ERC2: variants seen among roughly 807,000 people sequenced by gnomAD.
The protein encoded by ERC2 is ERC protein 2.
A neutral mutation model predicts 114.8 loss-of-function variants in ERC2; 42 were observed. That is an observed-to-expected ratio of 0.37 (90% CI 0.29 to 0.47). ERC2 has a LOEUF of 0.47. Ranked by LOEUF, ERC2 falls within the 20% of genes least tolerant of loss-of-function variation. The pLI is 0.99. For missense variants in ERC2, 939 were observed against 1,150.7 expected (o/e 0.82, Z 2.66); for synonymous variants, 454 against 425.5 (o/e 1.07, Z -0.82).
intron 14 of ERC2, among the ~76,000 whole-genome samples, chr3:55,863,184 T>C (rs1018766473): frequency 2.6e-5 from 4 of 152,186 alleles, no homozygotes; most frequent in Non-Finnish European, 4.4e-5. Flanking sequence ...AATCCTGCAC[T>C]GTATGGCATG....
At chr3:55,882,807 G>A (rs943159383) in intron 14 of ERC2, among the ~76,000 whole-genome samples, 22 of 152,114 alleles carry the variant, frequency 1.4e-4, no homozygotes, top group African/African-American at 5.1e-4. Context: ...ATAGAATCAA[G>A]GCTCTCCTTT....
chr3:56,365,536 T>C (rs1264540902), intron 2 of ERC2, among the ~76,000 whole-genome samples: 1 of 152,254 alleles, frequency 6.6e-6, no homozygotes, highest in Non-Finnish European at 1.5e-5. Context: ...ATCTATCCTC[T>C]ACCAGAGCAG....
At chr3:56,202,352 C>A (rs2048455181) in intron 3 of ERC2, among the ~76,000 whole-genome samples, 1 of 152,022 alleles carries the variant, frequency 6.6e-6, no homozygotes, top group African/African-American at 2.4e-5. Flanking sequence ...GTTAAAATTC[C>A]AAAATTTAAT....
At chr3:55,960,817 T>C (rs531528506) in intron 12 of ERC2, among the ~76,000 whole-genome samples, 11 of 152,380 alleles carry the variant, frequency 7.2e-5, no homozygotes, top group Middle Eastern at 3.4e-3. Context: ...AAACATTTCA[T>C]TGGATCTCCA....
In ERC2 at chr3:56,296,120, C is replaced by T. The variant is rs2055416796; in HGVS notation, c.973G>A (p.Asp325Asn). The change falls in exon 3 of 18, where the codon GAC becomes AAC. Residue 325 changes from aspartate (D) to asparagine (N), a missense_variant. Around this residue, in one of 5 missense-constraint regions of ERC2, gnomAD observed 148 missense variants for 159.1 expected, o/e 0.93. Transcript: ENST00000288221. ...GCCATCCGCCGCGTTCGCTCATTGT[C>T]ATCCTCCAGGCTTTTGGATGGCAAG... ...KGLPSKSLED[D>N]NERTRRMAEA... 1.2e-6 allele frequency: 2 copies of T among 1,614,028 alleles called. No individual in the cohort carries two copies. Among genetic ancestry groups the T allele is most frequent in the Non-Finnish European group, 1.7e-6 (2 of 1,179,876 alleles).
chr3:55,518,998 C>T (rs2052720066), intron 17 of ERC2, among the ~76,000 whole-genome samples: 1 of 152,136 alleles, frequency 6.6e-6, no homozygotes. Context: ...TTGCGGGTGC[C>T]ACTACTGACA....
At chr3:56,444,370 A>G (rs2062463827) in intron 1 of ERC2, among the ~76,000 whole-genome samples, 1 of 152,166 alleles carries the variant, frequency 6.6e-6, no homozygotes, top group African/African-American at 2.4e-5. Context: ...TGTTGCTGAC[A>G]TCAAAAAAAA....
chr3:55,807,197 C>T (rs1397334027), intron 14 of ERC2, among the ~76,000 whole-genome samples: 1 of 152,190 alleles, frequency 6.6e-6, no homozygotes, highest in African/African-American at 2.4e-5. Context: ...GTATACATTG[C>T]ACCAGGCACT....
chr3:55,517,183 G>A (rs2052573845), intron 17 of ERC2, among the ~76,000 whole-genome samples: 2 of 152,160 alleles, frequency 1.3e-5, no homozygotes, highest in Admixed American at 1.3e-4. Context: ...GCTCACGCCT[G>A]TAACCTCAGC....
intron 17 of ERC2, among the ~76,000 whole-genome samples, chr3:55,633,643 TAGAGTGCCTGCTA>T (rs2059842743): frequency 6.6e-6 from 1 of 152,172 alleles, no homozygotes; most frequent in African/African-American, 2.4e-5. Context: ...CAAATACTTA[TAGAGTGCCTGCTA>T]TTTGCAAACA....
At position 55,683,819 on chromosome 3, in the gene ERC2, G is replaced by A; in HGVS notation, c.*14C>T. ...CCCTCAAAACAAAACTGGAACTTTGGTTTACAGGCCCGGCTATGCCCATAT... is the reference window on the plus strand; with the variant it reads ...CCCTCAAAACAAAACTGGAACTTTGATTTACAGGCCCGGCTATGCCCATAT... On this transcript the variant is annotated 3_prime_UTR_variant, in exon 17 of 18. Transcript: ENST00000288221. The A allele has an allele frequency of 6.2e-7, 1 of 1,612,472 alleles. No individual in the cohort carries two copies. Among genetic ancestry groups the A allele is most frequent in the Non-Finnish European group, 8.5e-7 (1 of 1,179,298 alleles).
intron 13 of ERC2, among the ~76,000 whole-genome samples, chr3:55,932,861 G>A (rs533518155): frequency 6.6e-6 from 1 of 152,300 alleles, no homozygotes; most frequent in East Asian, 1.9e-4. Context: ...AAAAAAAGAA[G>A]GCAATTAATA....
chr3:56,198,919 T>C (rs943824697), intron 3 of ERC2, among the ~76,000 whole-genome samples: 3 of 152,160 alleles, frequency 2.0e-5, no homozygotes, highest in African/African-American at 4.8e-5. Context: ...AAGTGGCGAA[T>C]AGGAATGAGC....
chr3:56,163,781 T>C (rs1006477035), intron 4 of ERC2, among the ~76,000 whole-genome samples: 5 of 152,140 alleles, frequency 3.3e-5, no homozygotes. Flanking sequence ...GTGGGTCTCT[T>C]GAAGACAGCA....
intron 2 of ERC2, among the ~76,000 whole-genome samples, chr3:56,423,383 G>T (rs2061454642): frequency 6.6e-6 from 1 of 152,218 alleles, no homozygotes; most frequent in African/African-American, 2.4e-5. Flanking sequence ...GTGCACTGTA[G>T]CATGTTTAGC....
Position 55,854,987 on chromosome 3 carries a change from G to A in ERC2, c.2564+33402C>T, listed in dbSNP as rs1195007990. Among the ~76,000 whole-genome samples the A allele has an allele frequency of 3.9e-5, 6 of 152,268 alleles. 1 individual carries two copies. Among genetic ancestry groups the A allele is most frequent in the Non-Finnish European group, 8.8e-5 (6 of 68,028 alleles). On this transcript the variant is annotated intron_variant, in intron 14 of 17. Coordinates refer to ENST00000288221, the MANE Select transcript of ERC2 (RefSeq NM_015576.3). ...TCTTAAAGTTTTCCTATGGCCAAAAGCACGATGCTCAAAGTATGATAAGCC... is the reference window on the plus strand; with the variant it reads ...TCTTAAAGTTTTCCTATGGCCAAAAACACGATGCTCAAAGTATGATAAGCC...
chr3:56,218,691 G>A (rs12486948), intron 3 of ERC2, among the ~76,000 whole-genome samples: 12,041 of 152,224 alleles, frequency 0.079, 636 homozygotes, highest in Admixed American at 0.15. Flanking sequence ...ACATGCACAC[G>A]TAGGTTTATT....
At chr3:55,518,278 A>G (rs1375290862) in intron 17 of ERC2, among the ~76,000 whole-genome samples, 1 of 152,258 alleles carries the variant, frequency 6.6e-6, no homozygotes, top group East Asian at 1.9e-4. Flanking sequence ...GCATACATGC[A>G]TCTACCAACC....
intron 14 of ERC2, among the ~76,000 whole-genome samples, chr3:55,815,489 G>A (rs997471921): frequency 1.3e-5 from 2 of 152,098 alleles, no homozygotes; most frequent in African/African-American, 2.4e-5. Context: ...AAAATGGAGC[G>A]GCCACGTGGA....
Sources: gnomAD v4.1 joint callset for allele counts (sites outside exome capture counted in the v4.1 genomes callset) on GRCh38, gnomAD v4.1.1 for gene constraint, gnomAD v4.1.1 regional missense constraint, MANE v1.5 for transcripts, NCBI Gene and HGNC (gene_info 2026-07-23, HGNC 2026-07-21) for gene names.